Variants in IKBKB observed in about 807,000 individuals in gnomAD.
IKBKB encodes inhibitor of nuclear factor kappa B kinase subunit beta, also known as inhibitor of nuclear factor kappa-B kinase subunit beta.
Under a neutral mutation model 113.6 loss-of-function variants are expected in IKBKB, and 42 were observed. That is an observed-to-expected ratio of 0.37 (90% CI 0.29 to 0.48). The LOEUF (loss-of-function observed/expected upper bound fraction) is 0.48. IKBKB is among the 20% of genes least tolerant of loss of function. IKBKB has a pLI of 0.99. For missense variants in IKBKB, 673 were observed against 939.7 expected, an observed-to-expected ratio of 0.72 and a Z score of 3.71; for synonymous variants, 296 against 361.3, an observed-to-expected ratio of 0.82 and a Z score of 2.05.
chr8:42,273,580 A>T (rs948694376), intron 2 of IKBKB, among the ~76,000 whole-genome samples: 3 of 152,032 alleles, frequency 2.0e-5, no homozygotes, highest in Non-Finnish European at 2.9e-5. Context: ...ACATTTTTTT[A>T]AATTTTGTAG....
chr8:42,282,180 T>A (rs1255690028), intron 2 of IKBKB, among the ~76,000 whole-genome samples: 3 of 152,052 alleles, frequency 2.0e-5, no homozygotes, highest in South Asian at 2.1e-4. Context: ...TTTTTTGTTG[T>A]TTTGTGTGTG....
intron 2 of IKBKB, among the ~76,000 whole-genome samples, chr8:42,275,176 A>G (rs879346515): frequency 2.9e-5 from 4 of 140,182 alleles, no homozygotes; most frequent in African/African-American, 1.0e-4. Flanking sequence ...TGTGCCTGGC[A>G]TTTTTTTTTT....
chr8:42,291,089 TCCCAG>T (rs1812532151), intron 4 of IKBKB, among the ~76,000 whole-genome samples: 1 of 152,152 alleles, frequency 6.6e-6, no homozygotes, highest in Non-Finnish European at 1.5e-5. Context: ...AGAGCCTGGG[TCCCAG>T]CCCACACAGA....
At chr8:42,303,086 AG>A (rs1563331740) in intron 5 of IKBKB, among the ~76,000 whole-genome samples, 23 of 140,082 alleles carry the variant, frequency 1.6e-4, no homozygotes, top group African/African-American at 5.0e-4. Context: ...AGAGAGAGAG[AG>A]AGAATGAGAG....
At chr8:42,329,043 C>T in intron 20 of IKBKB, 81 bp from the exon 21 acceptor site, 5 of 1,104,046 alleles carry the variant, frequency 4.5e-6, no homozygotes, top group Non-Finnish European at 6.6e-6. Flanking sequence ...TATCAAAACT[C>T]TCTAGCATAT....
Position 42,331,034 on chromosome 8 carries a change from TG to T in IKBKB, c.*61del. 1.3e-6 allele frequency: 2 copies of T among 1,596,716 alleles called. No individual in the cohort carries two copies. Among genetic ancestry groups the T allele is most frequent in the Admixed American group, 3.4e-5 (2 of 59,474 alleles). On this transcript the variant is annotated 3_prime_UTR_variant, in exon 22 of 22. Transcript: ENST00000520810. ...GCAGCCCATAGCAGGCCTTGTGCAG[TG>T]GGGGGACTCGACCCCCTGACATGGG...
At position 42,322,494 on chromosome 8, in the gene IKBKB, TGTGA is replaced by T. The variant is rs773584004; in HGVS notation, c.1986+8_1986+11del. ...TCTGGAATCTCCTGAAGATTGCTTG[TGTGA>T]GTGAGTGCTGTGGTCCCGGGCCCTT... is the stretch of plus-strand genomic sequence containing the variant. On this transcript the variant is annotated splice_donor_variant and splice_donor_region_variant and intron_variant, in intron 19 of 21. Coordinates refer to ENST00000520810, the MANE Select transcript of IKBKB (RefSeq NM_001556.3). LOFTEE classifies it high-confidence loss of function. 3.1e-6 allele frequency: 5 copies of T among 1,613,642 alleles called. No homozygotes were observed. Among genetic ancestry groups the T allele is most frequent in the Non-Finnish European group, 4.2e-6 (5 of 1,180,006 alleles).
intron 5 of IKBKB, among the ~76,000 whole-genome samples, chr8:42,304,069 T>C (rs1039339915): frequency 6.6e-6 from 1 of 152,104 alleles, no homozygotes; most frequent in East Asian, 1.9e-4. Context: ...TTGTTGCTAA[T>C]GTGAATGGGA....
chr8:42,301,068 G>A lies in IKBKB; in HGVS notation c.389-4119G>A, dbSNP rs1030295778. Among the ~76,000 whole-genome samples, 3 of 151,908 alleles carry A rather than the reference G, an allele frequency of 2.0e-5. No individual in the cohort carries two copies. The South Asian group carries it at 6.2e-4, about 32-fold the overall frequency. ...GACAGGGTCTTGCTATATTGCCCAG[G>A]CTGGTCTCAAACTCTTGGCCTCAAG... is the stretch of plus-strand genomic sequence containing the variant. On this transcript the variant is annotated intron_variant, in intron 5 of 21. Coordinates refer to ENST00000520810, the MANE Select transcript of IKBKB (RefSeq NM_001556.3).
At chr8:42,312,932 T>C (rs774450278) in intron 8 of IKBKB, among the ~76,000 whole-genome samples, 1 of 152,226 alleles carries the variant, frequency 6.6e-6, no homozygotes, top group Admixed American at 6.5e-5. Flanking sequence ...CACCAGACAT[T>C]GGGTTTGAGC....
At chr8:42,277,547 ACAGT>A (rs1222218954) in intron 2 of IKBKB, among the ~76,000 whole-genome samples, 7 of 151,990 alleles carry the variant, frequency 4.6e-5, no homozygotes, top group African/African-American at 1.5e-4. Flanking sequence ...TGAACCCCAC[ACAGT>A]CTGTCTGCAC....
chr8:42,320,592 C>A, intron 15 of IKBKB, 143 bp from the exon 16 acceptor site: 1 of 653,766 alleles, frequency 1.5e-6, no homozygotes, highest in Non-Finnish European at 2.7e-6. Context: ...GCCATTCAGA[C>A]CCCACAGTCC....
intron 8 of IKBKB, among the ~76,000 whole-genome samples, chr8:42,309,919 T>C (rs1244004958): frequency 1.3e-5 from 2 of 152,176 alleles, no homozygotes; most frequent in African/African-American, 4.8e-5. Context: ...AAATAATGCA[T>C]TGTGCAGGAT....
At chr8:42,321,035 G>A in intron 16 of IKBKB, 191 bp downstream of exon 16, 1 of 481,076 alleles carries the variant, frequency 2.1e-6, no homozygotes, top group Non-Finnish European at 3.7e-6. Flanking sequence ...AAGAAAAACA[G>A]TCTTAAGTCA....
At chr8:42,310,491 G>A (rs1390428485) in intron 8 of IKBKB, among the ~76,000 whole-genome samples, 1 of 152,034 alleles carries the variant, frequency 6.6e-6, no homozygotes, top group East Asian at 1.9e-4. Flanking sequence ...TATCCCAATG[G>A]TAGCATTATC....
rs1227800267 is a variant in IKBKB at position 42,316,832 on chromosome 8, G to C, written c.1053G>C (p.Gln351His). The change falls in exon 11 of 22, where the codon CAG becomes CAC. Residue 351 changes from glutamine to histidine, a missense_variant. This residue lies in a region of IKBKB where 506 missense variants were observed against 638.7 expected (regional missense o/e 0.79). Coordinates refer to ENST00000520810, the MANE Select transcript of IKBKB (RefSeq NM_001556.3). This position sits in a 1 kb window ranked among gnomAD's most constrained non-coding sequence, Gnocchi z 4.5. ...QQDTGIPEED[Q>H]ELLQEAGLAL... Reference sequence around the variant, plus strand: ...ACACGGGCATCCCAGAGGAGGACCAGGAGCTGCTGCAGGAAGCGGGCCTGG... The same window carrying C: ...ACACGGGCATCCCAGAGGAGGACCACGAGCTGCTGCAGGAAGCGGGCCTGG... 3 of 1,614,190 alleles carry C rather than the reference G, an allele frequency of 1.9e-6. No individual in the cohort carries two copies. The highest frequency in any genetic ancestry group is 2.5e-6 in the Non-Finnish European group (3 of 1,180,036).
chr8:42,325,934 A>G, intron 19 of IKBKB, 36 bp from the exon 20 acceptor site: 1 of 1,612,460 alleles, frequency 6.2e-7, no homozygotes, highest in Non-Finnish European at 8.5e-7. Flanking sequence ...GTGATTCATC[A>G]CTTGGCTCCT....
At chr8:42,273,921 A>G (rs1027106494) in intron 2 of IKBKB, among the ~76,000 whole-genome samples, 3 of 152,200 alleles carry the variant, frequency 2.0e-5, no homozygotes, top group South Asian at 4.1e-4. Flanking sequence ...ATTTTGATAC[A>G]TAATGTGTAA....
At position 42,325,963 on chromosome 8, in the gene IKBKB, C is replaced by G. The variant is rs761085543; in HGVS notation, c.1987-7C>G. On this transcript the variant is annotated splice_polypyrimidine_tract_variant and splice_region_variant and intron_variant, in intron 19 of 21. Transcript: ENST00000520810. ...GGCTCCTAATTTCTTTTGATTTTGT[C>G]CCCTAGAGCAAGGTCCGTGGTCCTG... 1 of 1,613,670 alleles carries G rather than the reference C, an allele frequency of 6.2e-7. No individual in the cohort carries two copies. Among genetic ancestry groups the G allele is most frequent in the East Asian group, 2.2e-5 (1 of 44,878 alleles).
Sources: gnomAD v4.1 joint callset for allele counts (sites outside exome capture counted in the v4.1 genomes callset) on GRCh38, gnomAD v4.1.1 for gene constraint, gnomAD v4.1.1 regional missense constraint, Gnocchi (gnomAD v3.1) non-coding constraint, MANE v1.5 for transcripts, NCBI Gene and HGNC (gene_info 2026-07-23, HGNC 2026-07-21) for gene names.